Variants in DDX56 observed in about 807,000 individuals in gnomAD.
DDX56 encodes the protein DEAD-box helicase 56, also known as probable ATP-dependent RNA helicase DDX56.
A neutral mutation model predicts 61.5 loss-of-function variants in DDX56; 45 were observed. That is an observed-to-expected ratio of 0.73 (90% confidence interval 0.58 to 0.94). The LOEUF (loss-of-function observed/expected upper bound fraction) is 0.94. Among genes scored for constraint, DDX56 ranks in the 40% least tolerant of loss-of-function variants. The pLI, the probability that DDX56 is intolerant of heterozygous loss-of-function variation, is 0.00. For missense variants in DDX56, 708 were observed against 690.7 expected (o/e 1.02, Z -0.28); for synonymous variants, 273 against 268.3 (o/e 1.02, Z -0.17).
At position 44,571,558 on chromosome 7, in the gene DDX56, C is replaced by T. The variant is rs41279636; in HGVS notation, c.824G>A (p.Arg275His). Residue 275 changes from arginine to histidine, a missense_variant, in exon 6 of 14, where the codon CGC becomes CAC. Arg to His is a conservative substitution (Grantham distance 29). Transcript: ENST00000258772. The part of the protein sequence containing the change: ...VNTLERSYRL[R>H]LFLEQFSIPT... ...GATGCTGAACTGTTCCAAGAACAGG[C>T]GTAGCCGGTAACTCCGTTCTAGAGT... The T allele has an allele frequency of 4.3e-3, 6,900 of 1,614,024 alleles. 27 individuals are homozygous for T. The highest frequency in any genetic ancestry group is 5.0e-3 in the Non-Finnish European group (5,937 of 1,180,014).
rs1295389393 is a variant in DDX56 at position 44,571,617 on chromosome 7, T to C, written c.765A>G (p.Ser255=). 5.0e-6 allele frequency: 8 copies of C among 1,614,056 alleles called. No individual in the cohort carries two copies. Among genetic ancestry groups the C allele is most frequent in the Admixed American group, 1.7e-5 (1 of 60,010 alleles). The change falls in exon 6 of 14, where the codon TCA becomes TCG. Residue 255 remains serine (S), a synonymous_variant. Coordinates refer to ENST00000258772, the MANE Select transcript of DDX56 (RefSeq NM_019082.4). Reference sequence around the variant, plus strand: ...AGAGCAGAGACTTGCCCCGAATCAATGACAGCTTGAGCAGGGCATACAGCA... The same window carrying C: ...AGAGCAGAGACTTGCCCCGAATCAACGACAGCTTGAGCAGGGCATACAGCA... The part of the protein sequence containing the change: ...FLLLYALLKL[S]LIRGKSLLFV...
intron 13 of DDX56, 26 bp from the exon 14 acceptor site, chr7:44,566,105 T>G: frequency 2.0e-6 from 3 of 1,533,192 alleles, no homozygotes; most frequent in Non-Finnish European, 2.7e-6. Context: ...CACAGGTTAG[T>G]TGGGGGAATC....
At position 44,573,841 on chromosome 7, in the gene DDX56, G is replaced by C; in HGVS notation, c.55C>G (p.Leu19Val). Residue 19 changes from leucine (L) to valine (V), a missense_variant, in exon 1 of 14, where the codon CTT becomes GTT. Transcript: ENST00000258772. ...TCCCCAGCCCTCGCGTGTACCTGAAGGAGCCGGGGATCGAGGCCCATGTGT... is the reference window on the plus strand; with the variant it reads ...TCCCCAGCCCTCGCGTGTACCTGAACGAGCCGGGGATCGAGGCCCATGTGT... ...FEHMGLDPRL[L>V]QAVTDLGWSR... 6.2e-7 allele frequency: 1 copy of C among 1,613,356 alleles called. No individual in the cohort carries two copies. The highest frequency in any genetic ancestry group is 8.5e-7 in the Non-Finnish European group (1 of 1,180,012).
Position 44,568,173 on chromosome 7 carries a change from T to TA in DDX56, c.1433dup (p.Pro479ThrfsTer16). The TA allele has an allele frequency of 6.2e-7, 1 of 1,614,014 alleles. No individual in the cohort carries two copies. ...GCTTCACCACTGCGGGGTGCAAAGGTAGGTCATGCCGCAGCAGCTGGAGGT... is the reference window on the plus strand; with the variant it reads ...GCTTCACCACTGCGGGGTGCAAAGGTAAGGTCATGCCGCAGCAGCTGGAGGT... On this transcript the variant is annotated frameshift_variant, in exon 12 of 14. Transcript: ENST00000258772. LOFTEE classifies it high-confidence loss of function.
Position 44,571,507 on chromosome 7 carries a change from A to G in DDX56, c.875T>C (p.Leu292Pro), listed in dbSNP as rs763840415. The G allele has an allele frequency of 1.2e-6, 2 of 1,613,976 alleles. No individual in the cohort carries two copies. Among genetic ancestry groups the G allele is most frequent in the Middle Eastern group, 3.3e-4 (2 of 6,062 alleles). ...TGTGGCAGACCTGGAGCGCAGTGGAAGCTCTCCATTGAGCACACAGGTGGG... is the reference window on the plus strand; with the variant it reads ...TGTGGCAGACCTGGAGCGCAGTGGAGGCTCTCCATTGAGCACACAGGTGGG... ...SIPTCVLNGE[L>P]PLRSRCHIIS... The change falls in exon 6 of 14, where the codon CTT (leucine) becomes CCT (proline). Residue 292 changes from leucine to proline, a missense_variant. By Grantham distance (98) the Leu-to-Pro change is moderately conservative (BLOSUM62 -3). Transcript: ENST00000258772.
chr7:44,573,044 G>A lies in DDX56; in HGVS notation c.229C>T (p.Pro77Ser). The A allele has an allele frequency of 6.3e-7, 1 of 1,578,772 alleles. No homozygotes were observed. The highest frequency in any genetic ancestry group is 8.6e-7 in the Non-Finnish European group (1 of 1,163,634). Residue 77 changes from proline (P) to serine (S), a missense_variant, in exon 3 of 14, where the codon CCG becomes TCG. Coordinates refer to ENST00000258772, the MANE Select transcript of DDX56 (RefSeq NM_019082.4). Reference sequence around the variant, plus strand: ...CCTCTCACTGCCTGTTCTACCACCGGACCTGTCTGTAAGAATATGAATTAA... The same window carrying A: ...CCTCTCACTGCCTGTTCTACCACCGAACCTGTCTGTAAGAATATGAATTAA... ...QLLLHRKATG[P>S]VVEQAVRGLV...
chr7:44,569,618 T>C (rs1802622597), intron 9 of DDX56, 191 bp downstream of exon 9: 1 of 627,954 alleles, frequency 1.6e-6, no homozygotes, highest in Non-Finnish European at 2.8e-6. Context: ...TAAACACAAC[T>C]TTGGACAAAT....
chr7:44,566,404 T>A, intron 13 of DDX56, 44 bp downstream of exon 13: 1 of 1,461,826 alleles, frequency 6.8e-7, no homozygotes, highest in Admixed American at 2.0e-5. Flanking sequence ...AAAGAGCAGG[T>A]TGGGAGGAGT....
intron 11 of DDX56, 74 bp from the exon 12 acceptor site, chr7:44,568,297 G>A (rs1276548728): frequency 9.3e-7 from 1 of 1,077,024 alleles, no homozygotes; most frequent in Admixed American, 2.5e-5. Flanking sequence ...CTTTTCAAAG[G>A]ATAACACACT....
At chr7:44,570,678 T>C (rs531096509) in intron 7 of DDX56, 80 bp downstream of exon 7, 527 of 1,531,634 alleles carry the variant, frequency 3.4e-4, no homozygotes, top group Non-Finnish European at 4.0e-4. Context: ...CCCTGCTCTG[T>C]GCACTCTGGT....
intron 9 of DDX56, 71 bp downstream of exon 9, chr7:44,569,738 T>C: frequency 1.5e-6 from 2 of 1,332,590 alleles, no homozygotes; most frequent in Non-Finnish European, 2.1e-6. Flanking sequence ...CTGTCATCAT[T>C]ATCATGGAGT....
intron 9 of DDX56, 136 bp from the exon 10 acceptor site, chr7:44,569,339 G>C (rs957975244): frequency 2.6e-6 from 2 of 770,792 alleles, no homozygotes; most frequent in Non-Finnish European, 4.2e-6. Flanking sequence ...GAACATGCAG[G>C]TTAGCTGCAC....
At chr7:44,566,707 A>G (rs545664248) in intron 12 of DDX56, among the ~76,000 whole-genome samples, 183 bp from the exon 13 acceptor site, 1 of 152,264 alleles carries the variant, frequency 6.6e-6, no homozygotes, top group African/African-American at 2.4e-5. Flanking sequence ...CACTATTTAA[A>G]TCACTCTCCT....
intron 12 of DDX56, chr7:44,567,685 G>A (rs1802577335): frequency 3.7e-6 from 1 of 269,808 alleles, no homozygotes; most frequent in Non-Finnish European, 7.3e-6. Flanking sequence ...CCTGCTGACT[G>A]TTCTTACCCA....
rs769063924 is a variant in DDX56, at chr7:44,572,673, T to C, written c.455A>G (p.Asp152Gly). 2.6e-5 allele frequency: 42 copies of C among 1,614,106 alleles called. No homozygotes were observed. Among genetic ancestry groups the C allele is most frequent in the Non-Finnish European group, 3.5e-5 (41 of 1,180,050 alleles). ...PSRILSHLQQ[D>G]SLKLRDSLEL... Reference sequence around the variant, plus strand: ...CAGGGAGTCACGAAGTTTCAGGCTGTCTTGCTGCAAGTGGCTTAATATGCG... The same window carrying C: ...CAGGGAGTCACGAAGTTTCAGGCTGCCTTGCTGCAAGTGGCTTAATATGCG... Residue 152 changes from aspartate (D) to glycine (G), a missense_variant, in exon 4 of 14, where the codon GAC becomes GGC. Asp to Gly is a moderately conservative substitution (Grantham distance 94, BLOSUM62 -1). Coordinates refer to ENST00000258772, the MANE Select transcript of DDX56 (RefSeq NM_019082.4).
At chr7:44,569,718 G>T in intron 9 of DDX56, 91 bp downstream of exon 9, 1 of 1,159,070 alleles carries the variant, frequency 8.6e-7, no homozygotes, top group Non-Finnish European at 1.3e-6. Context: ...GTCACACTAT[G>T]TTGTGACCTC....
chr7:44,566,336 T>C lies in DDX56; in HGVS notation c.1566+112A>G, dbSNP rs1027998743. On this transcript the variant is annotated intron_variant, in intron 13 of 13. Coordinates refer to ENST00000258772, the MANE Select transcript of DDX56 (RefSeq NM_019082.4). ...CTAGGGTGCCCCCTCTTCCCCTCCCTAGGGCACCCTCTCTTCCCCTCCCTA... is the reference window on the plus strand; with the variant it reads ...CTAGGGTGCCCCCTCTTCCCCTCCCCAGGGCACCCTCTCTTCCCCTCCCTA... 5 of 1,072,358 alleles carry C rather than the reference T, an allele frequency of 4.7e-6. No homozygotes were observed. The African/African-American group carries it at 6.3e-5, about 14-fold the overall frequency. The allele number at this position is 1,072,358 out of a possible 1,614,324, so 66.4% of individuals were successfully genotyped here.
chr7:44,570,762 C>T lies in DDX56; in HGVS notation c.1006G>A (p.Asp336Asn). The T allele has an allele frequency of 6.2e-7, 1 of 1,608,620 alleles. No individual in the cohort carries two copies. Among genetic ancestry groups the T allele is most frequent in the Non-Finnish European group, 8.5e-7 (1 of 1,177,118 alleles). ...GAAAAAGAGGCATGGACTCACTTGT[C>T]CCCTTTGGGCCCTCGGCCCCGACGC... is the stretch of plus-strand genomic sequence containing the variant. ...GKRRGRGPKG[D>N]KASDPEAGVA... is the part of the protein sequence containing the mutation. Residue 336 changes from aspartate (D) to asparagine (N), a missense_variant, in exon 7 of 14, where the codon GAC (aspartate) becomes AAC (asparagine). Physicochemically the swap from Asp to Asn is conservative, Grantham distance 23 (BLOSUM62 1). Transcript: ENST00000258772.
chr7:44,573,498 GA>G, intron 2 of DDX56, 84 bp downstream of exon 2: 1 of 1,542,182 alleles, frequency 6.5e-7, no homozygotes, highest in Non-Finnish European at 8.8e-7. Flanking sequence ...ACAGGGCCAA[GA>G]GAAAACCTCA....
Sources: gnomAD v4.1 joint callset for allele counts (sites outside exome capture counted in the v4.1 genomes callset) on GRCh38, gnomAD v4.1.1 for gene constraint, MANE v1.5 for transcripts, NCBI Gene and HGNC (gene_info 2026-07-23, HGNC 2026-07-21) for gene names.